The following HTR1F variants were observed in gnomAD, a reference collection of about 807,000 sequenced individuals.
HTR1F encodes 5-hydroxytryptamine (serotonin) receptor 1F, G protein-coupled.
A neutral mutation model predicts 24.0 loss-of-function variants in HTR1F; 17 were observed. The ratio of observed to expected loss-of-function variants is 0.71; its 90% CI spans 0.48 to 1.06. The LOEUF is 1.06. HTR1F is among the 50% of genes least tolerant of loss of function. HTR1F has a pLI of 0.00. For missense variants in HTR1F, 391 were observed against 427.8 expected (o/e 0.91, Z 0.76); for synonymous variants, 186 against 156.8 (o/e 1.19, Z -1.39).
intron 2 of HTR1F, among the ~76,000 whole-genome samples, chr3:87,884,362 A>G (rs1239364796): frequency 1.3e-5 from 2 of 152,208 alleles, no homozygotes; most frequent in Non-Finnish European, 2.9e-5. Flanking sequence ...CTAAACATGG[A>G]AAGGAACAAC....
chr3:87,974,815 A>G (rs1201092878), intron 2 of HTR1F, among the ~76,000 whole-genome samples: 1 of 152,178 alleles, frequency 6.6e-6, no homozygotes, highest in African/African-American at 2.4e-5. Context: ...TATAGAAACC[A>G]ATACACACTG....
chr3:87,963,578 C>T (rs183248212), intron 2 of HTR1F, among the ~76,000 whole-genome samples: 69 of 152,252 alleles, frequency 4.5e-4, no homozygotes, highest in African/African-American at 1.6e-3. Flanking sequence ...ACGTGGCAAC[C>T]TCCAGATTCT....
intron 2 of HTR1F, among the ~76,000 whole-genome samples, chr3:87,889,051 C>CT (rs1706020935): frequency 6.6e-6 from 1 of 152,062 alleles, no homozygotes; most frequent in Non-Finnish European, 1.5e-5. Flanking sequence ...AATTCTTACT[C>CT]TTAGTCCTCA....
At chr3:87,850,563 A>T (rs1287771584) in intron 2 of HTR1F, among the ~76,000 whole-genome samples, 11 of 151,748 alleles carry the variant, frequency 7.2e-5, no homozygotes, top group Admixed American at 6.6e-4. Flanking sequence ...CATATGTAAC[A>T]AACCTGCACG....
At chr3:87,906,931 G>A (rs750775465) in intron 2 of HTR1F, among the ~76,000 whole-genome samples, 21 of 151,902 alleles carry the variant, frequency 1.4e-4, no homozygotes, top group African/African-American at 2.9e-4. Flanking sequence ...TTAGCCACTC[G>A]TTGATTGATG....
intron 2 of HTR1F, among the ~76,000 whole-genome samples, chr3:87,891,391 T>A (rs1706083325): frequency 6.6e-6 from 1 of 152,190 alleles, no homozygotes; most frequent in African/African-American, 2.4e-5. Flanking sequence ...TTAACACCAC[T>A]TATGAACCTC....
intron 2 of HTR1F, among the ~76,000 whole-genome samples, chr3:87,884,080 AG>A (rs1705877034): frequency 1.3e-5 from 2 of 152,186 alleles, no homozygotes; most frequent in African/African-American, 4.8e-5. Flanking sequence ...AAAAATGTTA[AG>A]GGCAGCCAGA....
At chr3:87,845,235 C>T (rs1704912622) in intron 2 of HTR1F, among the ~76,000 whole-genome samples, 1 of 151,388 alleles carries the variant, frequency 6.6e-6, no homozygotes, top group Non-Finnish European at 1.5e-5. Context: ...CTGGCCAGAG[C>T]AATTAGGCAG....
At chr3:87,971,882 A>C (rs1705293124) in intron 2 of HTR1F, among the ~76,000 whole-genome samples, 1 of 152,214 alleles carries the variant, frequency 6.6e-6, no homozygotes, top group Non-Finnish European at 1.5e-5. Context: ...TTATTTGCCT[A>C]CTTCTACTGA....
At chr3:87,841,913 A>AAG (rs1436176677) in intron 2 of HTR1F, among the ~76,000 whole-genome samples, 1 of 116,440 alleles carries the variant, frequency 8.6e-6, no homozygotes, top group African/African-American at 5.5e-5. Context: ...AAAAAAAAAA[A>AAG]AAAGAAAAAG....
chr3:87,929,413 G>A (rs1228476913), intron 2 of HTR1F, among the ~76,000 whole-genome samples: 2 of 152,128 alleles, frequency 1.3e-5, no homozygotes, highest in African/African-American at 2.4e-5. Context: ...ATGAAAATCA[G>A]CTTCAAAATT....
chr3:87,825,996 G>A (rs1249737513), intron 2 of HTR1F, among the ~76,000 whole-genome samples: 1 of 152,138 alleles, frequency 6.6e-6, no homozygotes, highest in Non-Finnish European at 1.5e-5. Context: ...TATTTCATAG[G>A]ATTGTTGTGA....
At chr3:87,977,687 C>A (rs1705428357) in intron 2 of HTR1F, among the ~76,000 whole-genome samples, 1 of 151,718 alleles carries the variant, frequency 6.6e-6, no homozygotes, top group Non-Finnish European at 1.5e-5. Context: ...TCCCAAAGTG[C>A]TGGGATTACA....
chr3:87,805,670 C>A (rs1364262965), intron 1 of HTR1F, among the ~76,000 whole-genome samples: 1 of 151,930 alleles, frequency 6.6e-6, no homozygotes, highest in African/African-American at 2.4e-5. Flanking sequence ...TTGAAATATG[C>A]ATTAGGGAAA....
chr3:87,930,330 A>C (rs1704231387), intron 2 of HTR1F, among the ~76,000 whole-genome samples: 1 of 152,074 alleles, frequency 6.6e-6, no homozygotes, highest in African/African-American at 2.4e-5. Flanking sequence ...GTTGAATATG[A>C]GTGGTGAGAG....
At chr3:87,848,368 T>C (rs1704995943) in intron 2 of HTR1F, among the ~76,000 whole-genome samples, 1 of 151,690 alleles carries the variant, frequency 6.6e-6, no homozygotes, top group Non-Finnish European at 1.5e-5. Context: ...TTTAGTGGGA[T>C]TTTTTTTCTG....
chr3:87,960,362 T>A (rs945535916), intron 2 of HTR1F, among the ~76,000 whole-genome samples: 2 of 151,976 alleles, frequency 1.3e-5, no homozygotes, highest in African/African-American at 4.8e-5. Flanking sequence ...AGATGGTTTA[T>A]AAAGGGAAGA....
chr3:87,974,429 T>C (rs1705350249), intron 2 of HTR1F, among the ~76,000 whole-genome samples: 1 of 152,316 alleles, frequency 6.6e-6, no homozygotes, highest in East Asian at 1.9e-4. Flanking sequence ...TGTTATTAAA[T>C]TTACTGCTTG....
At chr3:87,954,634 A>G (rs950331505) in intron 2 of HTR1F, among the ~76,000 whole-genome samples, 1 of 151,758 alleles carries the variant, frequency 6.6e-6, no homozygotes, top group African/African-American at 2.4e-5. Flanking sequence ...CAAAAACTAC[A>G]TTTGTTGTTA....
Sources: allele counts gnomAD v4.1 joint callset (sites outside exome capture counted in the v4.1 genomes callset), GRCh38; gene constraint gnomAD v4.1.1; transcripts MANE v1.5; gene names NCBI Gene and HGNC (gene_info 2026-07-23, HGNC 2026-07-21).